ZMYND11: variants seen among roughly 807,000 people sequenced by gnomAD.
The protein encoded by ZMYND11 is zinc finger MYND-type containing 11, also known as zinc finger MYND domain-containing protein 11.
A neutral mutation model predicts 84.9 loss-of-function variants in ZMYND11; 9 were observed. The ratio of observed to expected loss-of-function variants is 0.11; its 90% CI spans 0.06 to 0.18. ZMYND11 has a LOEUF of 0.18. Among genes scored for constraint, ZMYND11 ranks in the 10% least tolerant of loss-of-function variants. The pLI is 1.00. For synonymous variants in ZMYND11, 250 were observed against 244.1 expected, an observed-to-expected ratio of 1.02 and a Z score of -0.23; for missense variants, 409 against 761.0, an observed-to-expected ratio of 0.54 and a Z score of 5.44.
Position 249,006 on chromosome 10 carries a change from G to A in ZMYND11, c.1604G>A (p.Cys535Tyr). Residue 535 changes from cysteine to tyrosine, a missense_variant, in exon 14 of 15, where the codon TGT (cysteine) becomes TAT (tyrosine). Cys to Tyr is a radical substitution (Grantham distance 194, BLOSUM62 -2). Transcript: ENST00000381604. ...DRKCKQVKEKCKEEFVEEIKK... is the reference protein window; with the variant it reads ...DRKCKQVKEKYKEEFVEEIKK... ...AAATGTAAGCAAGTAAAGGAAAAGT[G>A]TAAGGAAGAATTTGTAGAAGAAATC... 1 of 1,614,202 alleles carries A rather than the reference G, an allele frequency of 6.2e-7. No individual in the cohort carries two copies. Among genetic ancestry groups the A allele is most frequent in the Non-Finnish European group, 8.5e-7 (1 of 1,180,026 alleles).
At chr10:242,576 AATAAGCC>A (rs1428805309) in intron 10 of ZMYND11, among the ~76,000 whole-genome samples, 4 of 152,240 alleles carry the variant, frequency 2.6e-5, no homozygotes, top group African/African-American at 9.6e-5. Context: ...CGTGCGTGGA[AATAAGCC>A]ATAATAGGAA....
chr10:251,400 A>G (rs1953462335), intron 14 of ZMYND11, among the ~76,000 whole-genome samples: 2 of 152,244 alleles, frequency 1.3e-5, no homozygotes, highest in African/African-American at 2.4e-5. Context: ...ACTTGCTGAC[A>G]TAATGGATAA....
intron 4 of ZMYND11, 51 bp from the exon 5 acceptor site, chr10:236,787 C>A: frequency 6.8e-7 from 1 of 1,476,984 alleles, no homozygotes; most frequent in Non-Finnish European, 9.4e-7. Context: ...TGAATATAGA[C>A]ATAAGAATGA....
At chr10:139,642 A>G (rs1037722049) in intron 1 of ZMYND11, among the ~76,000 whole-genome samples, 22 of 150,430 alleles carry the variant, frequency 1.5e-4, no homozygotes, top group African/African-American at 5.4e-4. Context: ...TGTCTACTGT[A>G]TATCAGCCAC....
chr10:241,641 G>A (rs943240331), intron 9 of ZMYND11, among the ~76,000 whole-genome samples: 12 of 152,220 alleles, frequency 7.9e-5, no homozygotes, highest in Non-Finnish European at 1.8e-4. Flanking sequence ...GGCAGCCTTG[G>A]CTGCCTGAGA....
intron 4 of ZMYND11, among the ~76,000 whole-genome samples, chr10:223,673 T>A (rs1947558818): frequency 6.6e-6 from 1 of 152,222 alleles, no homozygotes; most frequent in South Asian, 2.1e-4. Flanking sequence ...TCCATTCTAT[T>A]GTTTTATGGT....
At chr10:180,222 A>G (rs1210868655) in intron 2 of ZMYND11, 94 bp downstream of exon 2, 3 of 849,068 alleles carry the variant, frequency 3.5e-6, no homozygotes, top group Non-Finnish European at 5.6e-6. Flanking sequence ...GCTAATCAAC[A>G]TATATTACAA....
chr10:132,203 C>T (rs1338566652), upstream of ZMYND11, among the ~76,000 whole-genome samples: 1 of 151,362 alleles, frequency 6.6e-6, no homozygotes, highest in East Asian at 1.9e-4. Context: ...GCAACCCGTT[C>T]GGGTCCCCTT....
intron 6 of ZMYND11, among the ~76,000 whole-genome samples, chr10:239,151 CATT>C (rs1317753413): frequency 4.6e-5 from 7 of 152,226 alleles, no homozygotes; most frequent in African/African-American, 1.7e-4. Flanking sequence ...CAGCTTTCTA[CATT>C]ATTGTCAAAT....
At chr10:137,530 G>A (rs1554752577) in intron 1 of ZMYND11, among the ~76,000 whole-genome samples, 1 of 152,144 alleles carries the variant, frequency 6.6e-6, no homozygotes, top group African/African-American at 2.4e-5. Context: ...AGTAATTATG[G>A]TGTGCACAAC....
At chr10:228,708 G>A (rs974355561) in intron 4 of ZMYND11, among the ~76,000 whole-genome samples, 2 of 152,184 alleles carry the variant, frequency 1.3e-5, no homozygotes, top group Non-Finnish European at 2.9e-5. Flanking sequence ...TGCCTCTGCC[G>A]TTCAGTCTTG....
At chr10:187,021 A>G (rs1011563305) in intron 2 of ZMYND11, among the ~76,000 whole-genome samples, 1 of 152,014 alleles carries the variant, frequency 6.6e-6, no homozygotes, top group African/African-American at 2.4e-5. Context: ...TGAGAGTAGG[A>G]GTTTGAGAAC....
chr10:141,085 C>T (rs781994210), intron 1 of ZMYND11, among the ~76,000 whole-genome samples: 1 of 152,062 alleles, frequency 6.6e-6, no homozygotes, highest in Non-Finnish European at 1.5e-5. Flanking sequence ...CTGAAATACA[C>T]ACAGTATTTT....
chr10:189,536 C>T (rs1254682398), intron 2 of ZMYND11, among the ~76,000 whole-genome samples: 1 of 152,114 alleles, frequency 6.6e-6, no homozygotes, highest in Non-Finnish European at 1.5e-5. Context: ...TCTTACATAT[C>T]TTATTATGAA....
chr10:205,351 T>C (rs1943934778), intron 2 of ZMYND11, among the ~76,000 whole-genome samples: 1 of 152,188 alleles, frequency 6.6e-6, no homozygotes, highest in Non-Finnish European at 1.5e-5. Context: ...GTGTCTTCAC[T>C]GTGAATTAGA....
At chr10:208,206 C>T (rs1944532408) in intron 2 of ZMYND11, among the ~76,000 whole-genome samples, 1 of 152,182 alleles carries the variant, frequency 6.6e-6, no homozygotes, top group African/African-American at 2.4e-5. Context: ...AGAAGAAAAC[C>T]TAGGCCTTAC....
At chr10:220,714 G>T (rs974843050) in intron 3 of ZMYND11, among the ~76,000 whole-genome samples, 1 of 152,182 alleles carries the variant, frequency 6.6e-6, no homozygotes, top group Non-Finnish European at 1.5e-5. Flanking sequence ...CAGTGCCACA[G>T]ATGAGAAGAT....
intron 3 of ZMYND11, among the ~76,000 whole-genome samples, chr10:219,536 A>G (rs1299422874): frequency 2.0e-5 from 3 of 152,204 alleles, no homozygotes; most frequent in South Asian, 2.1e-4. Context: ...TAATTTGTCA[A>G]TGATTTTTAA....
At chr10:209,666 G>T (rs945565591) in intron 2 of ZMYND11, among the ~76,000 whole-genome samples, 1 of 152,162 alleles carries the variant, frequency 6.6e-6, no homozygotes. Flanking sequence ...TTACAGAAGA[G>T]AATTTGAGTT....
Sources: allele counts gnomAD v4.1 joint callset (sites outside exome capture counted in the v4.1 genomes callset), GRCh38; gene constraint gnomAD v4.1.1; transcripts MANE v1.5; gene names NCBI Gene and HGNC (gene_info 2026-07-23, HGNC 2026-07-21).